The following ERBB4 variants were observed in gnomAD, a reference collection of about 807,000 sequenced individuals.
ERBB4 encodes the protein receptor tyrosine-protein kinase erbB-4.
In ERBB4, 42 loss-of-function variants were observed where a neutral mutation model predicts 158.0. The ratio of observed to expected loss-of-function variants is 0.27; its 90% CI spans 0.21 to 0.34. ERBB4 has a LOEUF of 0.34. Ranked by LOEUF, ERBB4 falls within the 10% of genes least tolerant of loss-of-function variation. The probability of loss-of-function intolerance (pLI) is 1.00; values close to 1 mark genes in which losing one functional copy is unlikely to be tolerated. For synonymous variants in ERBB4, 583 were observed against 558.7 expected (o/e 1.04, Z -0.61); for missense variants, 1,333 against 1,624.1 (o/e 0.82, Z 3.08).
intron 2 of ERBB4, among the ~76,000 whole-genome samples, chr2:212,108,075 A>C (rs887878089): frequency 1.3e-5 from 2 of 152,210 alleles, no homozygotes; most frequent in African/African-American, 4.8e-5. Flanking sequence ...AATATATACC[A>C]GATTATACTA....
At chr2:212,196,917 T>A (rs1034401094) in intron 1 of ERBB4, among the ~76,000 whole-genome samples, 4 of 152,134 alleles carry the variant, frequency 2.6e-5, no homozygotes, top group Non-Finnish European at 4.4e-5. Context: ...AATCAGAGCA[T>A]ATACCATATG....
chr2:212,168,763 T>C (rs1429899871), intron 1 of ERBB4, among the ~76,000 whole-genome samples: 1 of 152,122 alleles, frequency 6.6e-6, no homozygotes, highest in Non-Finnish European at 1.5e-5. Flanking sequence ...AAGAGAAAAC[T>C]GCAAAGCACA....
At chr2:211,936,430 C>T (rs2080323537) in intron 3 of ERBB4, among the ~76,000 whole-genome samples, 1 of 151,776 alleles carries the variant, frequency 6.6e-6, no homozygotes, top group Non-Finnish European at 1.5e-5. Flanking sequence ...CACCATTTTT[C>T]ACTTTTTTCT....
chr2:212,273,049 A>T (rs2085400182), intron 1 of ERBB4, among the ~76,000 whole-genome samples: 1 of 151,712 alleles, frequency 6.6e-6, no homozygotes, highest in Admixed American at 6.6e-5. Context: ...ATGTTTACTG[A>T]CTAGGGAGGG....
intron 1 of ERBB4, among the ~76,000 whole-genome samples, chr2:212,465,980 T>C (rs1324110516): frequency 6.6e-6 from 1 of 152,140 alleles, no homozygotes; most frequent in Non-Finnish European, 1.5e-5. Flanking sequence ...CGGCAAATAA[T>C]AAAAAACTTT....
intron 1 of ERBB4, among the ~76,000 whole-genome samples, chr2:212,285,182 A>G (rs2085914430): frequency 6.6e-6 from 1 of 152,168 alleles, no homozygotes; most frequent in African/African-American, 2.4e-5. Flanking sequence ...ACTTTCGCCA[A>G]AACAGAGATA....
chr2:211,804,676 T>C (rs759132812), intron 3 of ERBB4, among the ~76,000 whole-genome samples: 4 of 152,014 alleles, frequency 2.6e-5, no homozygotes, highest in Non-Finnish European at 5.9e-5. Context: ...ACCAAAAGAC[T>C]TATGGGAATC....
At chr2:212,441,971 C>T (rs908710285) in intron 1 of ERBB4, among the ~76,000 whole-genome samples, 1 of 152,214 alleles carries the variant, frequency 6.6e-6, no homozygotes, top group African/African-American at 2.4e-5. Context: ...AATTGCTCTT[C>T]TCTGTATGTC....
intron 12 of ERBB4, among the ~76,000 whole-genome samples, chr2:211,687,676 CT>C (rs758725927): frequency 6.6e-6 from 1 of 151,624 alleles, no homozygotes; most frequent in Admixed American, 6.6e-5. Context: ...TTTGTTGGGG[CT>C]TTTTTTTATC....
intron 1 of ERBB4, among the ~76,000 whole-genome samples, chr2:212,433,183 G>C (rs1030573355): frequency 2.0e-5 from 3 of 152,008 alleles, no homozygotes; most frequent in African/African-American, 4.8e-5. Flanking sequence ...TTTGTAGATA[G>C]AGTAGCCTTC....
In ERBB4 at chr2:211,979,172, C is replaced by T. The variant is rs562931221; in HGVS notation, c.235-31556G>A. 6.6e-5 allele frequency among the ~76,000 whole-genome samples: 10 copies of T among 152,112 alleles called. No individual in the cohort carries two copies. In the South Asian group the frequency reaches 2.1e-3, roughly 32 times the overall value. The stretch of plus-strand genomic sequence containing the variant: ...CCATCTCTCCACAGTATATGAATAT[C>T]GCCTAGGAATAACATGAGTTATGTT... On this transcript the variant is annotated intron_variant, in intron 2 of 27. Transcript: ENST00000342788.
At chr2:211,742,990 T>A (rs1333923310) in intron 5 of ERBB4, among the ~76,000 whole-genome samples, 1 of 152,082 alleles carries the variant, frequency 6.6e-6, no homozygotes, top group African/African-American at 2.4e-5. Flanking sequence ...GAACTTTTCT[T>A]TTGGTTAAAG....
In ERBB4 at chr2:211,788,157, T is replaced by G. The variant is rs1240937160; in HGVS notation, c.424A>C (p.Ile142Leu). Reference protein sequence around the residue: ...QELGLKNLTEILNGGVYVDQN... With the variant: ...QELGLKNLTELLNGGVYVDQN... Reference sequence around the variant, plus strand: ...TCTACATAGACTCCACCATTTAGGATTTCTGTATTAAAAAACAAATAAACA... The same window carrying G: ...TCTACATAGACTCCACCATTTAGGAGTTCTGTATTAAAAAACAAATAAACA... The change falls in exon 4 of 28, where the codon ATC becomes CTC. Residue 142 changes from isoleucine to leucine, a missense_variant and splice_region_variant. This residue lies in a region of ERBB4 where 438 missense variants were observed against 586.9 expected (regional missense o/e 0.75). Transcript: ENST00000342788. The G allele has an allele frequency of 5.6e-6, 9 of 1,611,606 alleles. No homozygotes were observed. Among genetic ancestry groups the G allele is most frequent in the Non-Finnish European group, 7.6e-6 (9 of 1,178,132 alleles).
At chr2:212,210,522 T>C (rs75395705) in intron 1 of ERBB4, among the ~76,000 whole-genome samples, 4,795 of 152,156 alleles carry the variant, frequency 0.032, 230 homozygotes, top group African/African-American at 0.1. Flanking sequence ...ATTTATAATA[T>C]CTAGTTTATG....
chr2:212,488,328 TC>T (rs1690092915), intron 1 of ERBB4, among the ~76,000 whole-genome samples: 4 of 117,336 alleles, frequency 3.4e-5, no homozygotes, highest in African/African-American at 7.9e-5. Context: ...CCTCTCTCTC[TC>T]TCTCTCTCTC....
chr2:211,858,566 A>G (rs1355284940), intron 3 of ERBB4, among the ~76,000 whole-genome samples: 1 of 149,772 alleles, frequency 6.7e-6, no homozygotes, highest in Non-Finnish European at 1.5e-5. Context: ...AACAGAGTTA[A>G]TAAAATCATG....
chr2:211,912,577 A>T (rs1274799603), intron 3 of ERBB4, among the ~76,000 whole-genome samples: 1 of 152,212 alleles, frequency 6.6e-6, no homozygotes. Flanking sequence ...TCAACCTCTG[A>T]CTATAACTCT....
At chr2:212,498,715 T>G (rs1032793909) in intron 1 of ERBB4, among the ~76,000 whole-genome samples, 5 of 152,020 alleles carry the variant, frequency 3.3e-5, no homozygotes, top group African/African-American at 1.2e-4. Context: ...ATTTGAGAAT[T>G]CTACAAGAAA....
At chr2:211,801,847 T>G (rs1224462237) in intron 3 of ERBB4, among the ~76,000 whole-genome samples, 1 of 152,184 alleles carries the variant, frequency 6.6e-6, no homozygotes, top group East Asian at 1.9e-4. Flanking sequence ...GTTTATATAG[T>G]TATATCATAT....
Sources: gnomAD v4.1 joint callset for allele counts (sites outside exome capture counted in the v4.1 genomes callset) on GRCh38, gnomAD v4.1.1 for gene constraint, gnomAD v4.1.1 regional missense constraint, MANE v1.5 for transcripts, NCBI Gene and HGNC (gene_info 2026-07-23, HGNC 2026-07-21) for gene names.